Variants in IGF2 observed in about 807,000 individuals in gnomAD.
The protein encoded by IGF2 is insulin like growth factor 2.
IGF2 carries 2 observed loss-of-function variants against 12.0 expected under a neutral mutation model. That is an observed-to-expected ratio of 0.17 (90% CI 0.07 to 0.52). The LOEUF (loss-of-function observed/expected upper bound fraction) is 0.52. IGF2 is among the 20% of genes least tolerant of loss of function. IGF2 has a pLI of 0.95. For missense variants in IGF2, 211 were observed against 268.0 expected (o/e 0.79, Z 1.48); for synonymous variants, 105 against 110.1 (o/e 0.95, Z 0.29).
chr11:2,131,773 T>G lies in IGF2; in HGVS notation c.*1214A>C. 1 of 191,466 alleles carries G rather than the reference T, an allele frequency of 5.2e-6. No individual in the cohort carries two copies. The highest frequency in any genetic ancestry group is 7.3e-5 in the East Asian group (1 of 13,710). 11.9% of individuals were successfully genotyped at this position (191,466 alleles called of 1,614,324 possible). On this transcript the variant is annotated 3_prime_UTR_variant, in exon 4 of 4. Transcript: ENST00000416167. ...TGTGTGCATGTGTGTGCTGTGTCTT[T>G]GTGTGTGTGCTGTGTGCTAGTGTGT...
At chr11:2,142,360 G>A (rs2133622907), upstream of IGF2, among the ~76,000 whole-genome samples, 1 of 152,232 alleles carries the variant, frequency 6.6e-6, no homozygotes, top group South Asian at 2.1e-4. The surrounding 1 kb of genome is among the most constrained non-coding windows in gnomAD (Gnocchi z 5.7). Flanking sequence ...TGGAGGACTT[G>A]GGGGTCCATA....
rs759732097 is a variant in IGF2 at position 2,133,723 on chromosome 11, G to C, written c.158-58C>G. 1 of 1,592,334 alleles carries C rather than the reference G, an allele frequency of 6.3e-7. No individual in the cohort carries two copies. The highest frequency in any genetic ancestry group is 1.7e-5 in the Admixed American group (1 of 57,348). On this transcript the variant is annotated intron_variant, in intron 2 of 3. Coordinates refer to ENST00000416167, the MANE Select transcript of IGF2 (RefSeq NM_000612.6). The surrounding 1 kb of genome is among the most constrained non-coding windows in gnomAD (Gnocchi z 8.9). Reference sequence around the variant, plus strand: ...TAGCACCGCACTGACCCCAGCCCCCGGAGGCTGAAGGGGGAGCAAACCACC... The same window carrying C: ...TAGCACCGCACTGACCCCAGCCCCCCGAGGCTGAAGGGGGAGCAAACCACC...
At chr11:2,149,539 GT>G in the IGF2 span, 1 of 620,270 alleles carries the variant, frequency 1.6e-6, no homozygotes, top group Admixed American at 2.9e-5. Context: ...CAACTTGGTA[GT>G]GCTGAGGCCG....
Position 2,131,934 on chromosome 11 carries a change from G to C in IGF2, c.*1053C>G, listed in dbSNP as rs1419957047. ...GTGTGCTGTGTGTGCATGTGTGTGC[G>C]TGTGTGTGCCGTGCGTTTGTGTGCT... On this transcript the variant is annotated 3_prime_UTR_variant, in exon 4 of 4. Coordinates refer to ENST00000416167, the MANE Select transcript of IGF2 (RefSeq NM_000612.6). The C allele has an allele frequency of 6.8e-6, 1 of 147,060 alleles. No individual in the cohort carries two copies. Among genetic ancestry groups the C allele is most frequent in the African/African-American group, 3.2e-5 (1 of 31,266 alleles). 9.1% of individuals were successfully genotyped at this position (147,060 alleles called of 1,614,324 possible). A position where few individuals can be genotyped will look rare whatever the true frequency, so the allele number is the denominator to read the frequency against.
At chr11:2,145,342 G>A (rs1001044707), upstream of IGF2, among the ~76,000 whole-genome samples, 7 of 152,210 alleles carry the variant, frequency 4.6e-5, no homozygotes, top group East Asian at 1.9e-4. Flanking sequence ...CCTGGTCCCC[G>A]GGAGAGCGGA....
At chr11:2,140,154 G>C (rs376757645), upstream of IGF2, 1 of 1,613,154 alleles carries the variant, frequency 6.2e-7, no homozygotes, top group African/African-American at 1.3e-5. Context: ...CGAGCTCACC[G>C]GGGTGCGTCT....
chr11:2,130,703 ATCC>A lies in IGF2; in HGVS notation c.*2281_*2283del, dbSNP rs968197531. 1.5e-5 allele frequency: 3 copies of A among 202,074 alleles called. No individual in the cohort carries two copies. Among genetic ancestry groups the A allele is most frequent in the African/African-American group, 6.9e-5 (3 of 43,390 alleles). The allele number at this position is 202,074 out of a possible 1,614,324, so 12.5% of individuals were successfully genotyped here. A position where few individuals can be genotyped will look rare whatever the true frequency, so the allele number is the denominator to read the frequency against. ...ATGTAATTCTGCAAGTCTGCTGTCA[ATCC>A]TCCTGACTTTTCCATCCAAAATCTC... On this transcript the variant is annotated 3_prime_UTR_variant, in exon 4 of 4. Transcript: ENST00000416167.
rs1858385311 is a variant in IGF2 at position 2,129,459 on chromosome 11, C to T, written c.*3528G>A. 4.4e-6 allele frequency: 1 copy of T among 229,652 alleles called. No individual in the cohort carries two copies. The highest frequency in any genetic ancestry group is 5.7e-5 in the Admixed American group (1 of 17,626). 14.2% of individuals were successfully genotyped at this position (229,652 alleles called of 1,614,324 possible). A position where few individuals can be genotyped will look rare whatever the true frequency, so the allele number is the denominator to read the frequency against. ...GGGGAGAGCTGCAAACCTGGGGACG[C>T]AAGGGGCTGGTCGGCAAGTGCCCCC... is the stretch of plus-strand genomic sequence containing the variant. On this transcript the variant is annotated 3_prime_UTR_variant, in exon 4 of 4. Transcript: ENST00000416167. This position sits in a 1 kb window ranked among gnomAD's most constrained non-coding sequence, Gnocchi z 8.1.
chr11:2,144,430 G>A (rs951894965), upstream of IGF2, among the ~76,000 whole-genome samples: 6 of 152,230 alleles, frequency 3.9e-5, no homozygotes, highest in Non-Finnish European at 8.8e-5. Flanking sequence ...TGCGCGCGCC[G>A]TTCGGGCCTT....
chr11:2,145,601 C>T (rs544031241), upstream of IGF2, among the ~76,000 whole-genome samples: 6 of 152,324 alleles, frequency 3.9e-5, no homozygotes, highest in South Asian at 1.0e-3. Context: ...AGGGGGCCAC[C>T]GCTCATGCTT....
chr11:2,138,785 G>A lies in IGF2; in HGVS notation c.-563C>T, dbSNP rs955116438. 5.3e-6 allele frequency: 5 copies of A among 948,488 alleles called. No individual in the cohort carries two copies. Among genetic ancestry groups the A allele is most frequent in the Non-Finnish European group, 6.3e-6 (5 of 797,304 alleles). The allele number at this position is 948,488 out of a possible 1,614,324, so 58.8% of individuals were successfully genotyped here. ...GGTTGCGGGAGAAAGAGCGGGGGCC[G>A]GGGCCAGACGCCAAGAGGGGCGCGG... is the stretch of plus-strand genomic sequence containing the variant. On this transcript the variant is annotated 5_prime_UTR_variant, in exon 1 of 4. Transcript: ENST00000416167.
In IGF2 at chr11:2,135,232, G is replaced by A. The variant is rs1047896019; in HGVS notation, c.157+135C>T. 8 of 764,792 alleles carry A rather than the reference G, an allele frequency of 1.0e-5. No homozygotes were observed. In the East Asian group the frequency reaches 1.2e-4, roughly 11 times the overall value. The allele number at this position is 764,792 out of a possible 1,614,324, so 47.4% of individuals were successfully genotyped here. A position where few individuals can be genotyped will look rare whatever the true frequency, so the allele number is the denominator to read the frequency against. On this transcript the variant is annotated intron_variant, in intron 2 of 3. Transcript: ENST00000416167. Reference sequence around the variant, plus strand: ...CACCGCACGTGCTCAGAAACGCGGCGGGAAGGTCAAAGTCTCAGAGCAAGC... The same window carrying A: ...CACCGCACGTGCTCAGAAACGCGGCAGGAAGGTCAAAGTCTCAGAGCAAGC...
At chr11:2,140,482 C>A, upstream of IGF2, 2 of 601,290 alleles carry the variant, frequency 3.3e-6, no homozygotes, top group Non-Finnish European at 5.7e-6. Flanking sequence ...AATCACTTCG[C>A]CCGCGCTCCG....
Position 2,136,554 on chromosome 11 carries a change from A to G in IGF2, c.-6-1025T>C, listed in dbSNP as rs150161622. On this transcript the variant is annotated intron_variant, in intron 1 of 3. Coordinates refer to ENST00000416167, the MANE Select transcript of IGF2 (RefSeq NM_000612.6). ...CACAGCAAGTTGGCCCTGCCCCTGC[A>G]GAAGGTGGAACCCTCCAGGCGGGCA... 5.8e-4 allele frequency among the ~76,000 whole-genome samples: 88 copies of G among 152,374 alleles called. No individual in the cohort carries two copies. The East Asian group carries it at 0.016, about 28-fold the overall frequency.
At chr11:2,147,513 G>T in the IGF2 span, 1 of 779,130 alleles carries the variant, frequency 1.3e-6, no homozygotes, top group Non-Finnish European at 1.7e-6. This position sits in a 1 kb window ranked among gnomAD's most constrained non-coding sequence, Gnocchi z 7.2. Context: ...GAAGACTCCC[G>T]CGCAGAGCCT....
the IGF2 span, chr11:2,146,264 G>A: frequency 7.5e-6 from 4 of 533,676 alleles, no homozygotes; most frequent in Admixed American, 1.9e-5. Flanking sequence ...TGAGCTCACC[G>A]CTCCGCCGTC....
chr11:2,132,880 G>A lies in IGF2; in HGVS notation c.*107C>T. 1 of 782,126 alleles carries A rather than the reference G, an allele frequency of 1.3e-6. No individual in the cohort carries two copies. Among genetic ancestry groups the A allele is most frequent in the Admixed American group, 2.7e-5 (1 of 37,634 alleles). The allele number at this position is 782,126 out of a possible 1,614,324, so 48.4% of individuals were successfully genotyped here. A position where few individuals can be genotyped will look rare whatever the true frequency, so the allele number is the denominator to read the frequency against. Reference sequence around the variant, plus strand: ...GACTGGGTCAGGAGAAGCCCCAGGGGGACGTGGAACCGAGAGATTTTCGGG... The same window carrying A: ...GACTGGGTCAGGAGAAGCCCCAGGGAGACGTGGAACCGAGAGATTTTCGGG... On this transcript the variant is annotated 3_prime_UTR_variant, in exon 4 of 4. Coordinates refer to ENST00000416167, the MANE Select transcript of IGF2 (RefSeq NM_000612.6).
chr11:2,135,561 G>T, intron 1 of IGF2, 32 bp from the exon 2 acceptor site: 2 of 1,596,282 alleles, frequency 1.3e-6, no homozygotes, highest in Non-Finnish European at 1.7e-6. Context: ...CGTGAGCGGG[G>T]CAGCCAGGCC....
At position 2,133,181 on chromosome 11, in the gene IGF2, C is replaced by T; in HGVS notation, c.349G>A (p.Asp117Asn). The part of the protein sequence containing the change: ...RYPVGKFFQY[D>N]TWKQSTQRLR... ...CGCTGGGTGGACTGCTTCCAGGTGT[C>T]ATATTGGAAGAACTTGCCCACGGGG... is the stretch of plus-strand genomic sequence containing the variant. Residue 117 changes from aspartate to asparagine, a missense_variant, in exon 4 of 4, where the codon GAC (aspartate) becomes AAC (asparagine). Coordinates refer to ENST00000416167, the MANE Select transcript of IGF2 (RefSeq NM_000612.6). The surrounding 1 kb of genome is among the most constrained non-coding windows in gnomAD (Gnocchi z 8.9). 1 of 1,580,260 alleles carries T rather than the reference C, an allele frequency of 6.3e-7. No homozygotes were observed. The highest frequency in any genetic ancestry group is 8.6e-7 in the Non-Finnish European group (1 of 1,161,702).
Sources: allele counts gnomAD v4.1 joint callset (sites outside exome capture counted in the v4.1 genomes callset), GRCh38; gene constraint gnomAD v4.1.1; non-coding constraint Gnocchi (gnomAD v3.1); transcripts MANE v1.5; gene names NCBI Gene and HGNC (gene_info 2026-07-23, HGNC 2026-07-21).